The following VCAN variants were observed in gnomAD, a reference collection of about 807,000 sequenced individuals.
VCAN encodes the protein versican core protein.
In VCAN, 44 loss-of-function variants were observed where a neutral mutation model predicts 245.5. That is an observed-to-expected ratio of 0.18 (90% CI 0.14 to 0.23). The LOEUF is 0.23. VCAN is among the 10% of genes least tolerant of loss of function. The probability of loss-of-function intolerance (pLI) is 1.00; values close to 1 mark genes in which losing one functional copy is unlikely to be tolerated. For synonymous variants in VCAN, 1,413 were observed against 1,437.0 expected (o/e 0.98, Z 0.38); for missense variants, 3,793 against 4,057.9 (o/e 0.93, Z 1.77).
At chr5:83,563,670 C>T (rs991285025) in intron 12 of VCAN, among the ~76,000 whole-genome samples, 3 of 152,090 alleles carry the variant, frequency 2.0e-5, no homozygotes, top group Admixed American at 6.5e-5. Context: ...CCCTTGGTAT[C>T]CAGTGCGTTT....
chr5:83,537,396 G>A lies in VCAN; in HGVS notation c.4393G>A (p.Val1465Met), dbSNP rs766234120. ...AGCCAAAACGGAATTGTCTACTGCT[G>A]TGCAACCTAATGAATCTACAGAAAC... ...VIAKTELSTA[V>M]QPNESTETTE... The change falls in exon 8 of 15, where the codon GTG (valine) becomes ATG (methionine). Residue 1465 changes from valine (V) to methionine (M), a missense_variant. Val to Met is a conservative substitution (Grantham distance 21). This residue lies in a region of VCAN where 3,182 missense variants were observed against 3,250.3 expected (regional missense o/e 0.98). Coordinates refer to ENST00000265077, the MANE Select transcript of VCAN (RefSeq NM_004385.5). The A allele has an allele frequency of 1.2e-6, 2 of 1,613,962 alleles. No individual in the cohort carries two copies. Among genetic ancestry groups the A allele is most frequent in the Non-Finnish European group, 1.7e-6 (2 of 1,179,944 alleles).
At chr5:83,579,568 A>G (rs1237949868) in intron 13 of VCAN, among the ~76,000 whole-genome samples, 1 of 152,006 alleles carries the variant, frequency 6.6e-6, no homozygotes, top group Non-Finnish European at 1.5e-5. Flanking sequence ...TGGCCTGTAG[A>G]TTGTACGTTT....
rs1746005730 is a variant in VCAN at position 83,519,761 on chromosome 5, A to G, written c.1455A>G (p.Glu485=). Residue 485 remains glutamate (E), a synonymous_variant, in exon 7 of 15, where the codon GAA becomes GAG. Transcript: ENST00000265077. ...TCGTGGAAGATAAACAAACACAAGA[A>G]TCGGTTACACAGATTGAACAAATAG... The part of the protein sequence containing the change: ...DGVVEDKQTQ[E]SVTQIEQIEV... 2 of 1,614,020 alleles carry G rather than the reference A, an allele frequency of 1.2e-6. No individual in the cohort carries two copies. Among genetic ancestry groups the G allele is most frequent in the Non-Finnish European group, 1.7e-6 (2 of 1,179,986 alleles).
chr5:83,540,356 C>T lies in VCAN; in HGVS notation c.7353C>T (p.Thr2451=). 6.2e-7 allele frequency: 1 copy of T among 1,613,990 alleles called. No homozygotes were observed. Among genetic ancestry groups the T allele is most frequent in the Non-Finnish European group, 8.5e-7 (1 of 1,179,962 alleles). The part of the protein sequence containing the change: ...SFHTSATTQA[T]RQESSTTFVS... Reference sequence around the variant, plus strand: ...ACACTTCTGCAACTACTCAGGCAACCAGACAAGAAAGCAGCACCACATTTG... The same window carrying T: ...ACACTTCTGCAACTACTCAGGCAACTAGACAAGAAAGCAGCACCACATTTG... Residue 2451 remains threonine (T), a synonymous_variant, in exon 8 of 15, where the codon ACC becomes ACT. Coordinates refer to ENST00000265077, the MANE Select transcript of VCAN (RefSeq NM_004385.5).
intron 12 of VCAN, among the ~76,000 whole-genome samples, chr5:83,567,490 C>CG (rs35258789): frequency 0.82 from 123,878 of 151,398 alleles, 50,966 homozygotes; most frequent in African/African-American, 0.9. Flanking sequence ...TTAGTAGAGA[C>CG]GGGGTTTCAC....
chr5:83,496,264 CG>C (rs1662347209), intron 5 of VCAN, among the ~76,000 whole-genome samples: 2 of 152,186 alleles, frequency 1.3e-5, no homozygotes, highest in Admixed American at 1.3e-4. Flanking sequence ...GTCTTATAGA[CG>C]TCCTCTCCCA....
chr5:83,568,634 C>G (rs1033283677), intron 12 of VCAN, among the ~76,000 whole-genome samples: 7 of 151,952 alleles, frequency 4.6e-5, no homozygotes, highest in African/African-American at 1.7e-4. Context: ...AGTCAAGTGA[C>G]TTTAGTAACT....
chr5:83,536,111 T>C (rs938943002), intron 7 of VCAN: 4 of 152,122 alleles, frequency 2.6e-5, no homozygotes, highest in African/African-American at 9.7e-5. Context: ...CAATTTACAA[T>C]CTGGGAAATA....
chr5:83,513,105 C>T (rs955849337), intron 6 of VCAN, among the ~76,000 whole-genome samples: 1 of 151,886 alleles, frequency 6.6e-6, no homozygotes, highest in African/African-American at 2.4e-5. Context: ...TCCAGATGTC[C>T]TCAAGTAATT....
At chr5:83,474,790 G>A (rs1346386377) in intron 1 of VCAN, among the ~76,000 whole-genome samples, 1 of 152,230 alleles carries the variant, frequency 6.6e-6, no homozygotes, top group African/African-American at 2.4e-5. Flanking sequence ...GGCTGCTTCT[G>A]GAGCTGACCC....
At chr5:83,579,421 G>A (rs938863429) in intron 13 of VCAN, among the ~76,000 whole-genome samples, 1 of 151,980 alleles carries the variant, frequency 6.6e-6, no homozygotes, top group Non-Finnish European at 1.5e-5. Flanking sequence ...CCACCACCAT[G>A]CCTGGCTAAT....
intron 7 of VCAN, among the ~76,000 whole-genome samples, chr5:83,532,156 A>C (rs1024959122): frequency 6.6e-6 from 1 of 151,942 alleles, no homozygotes; most frequent in Non-Finnish European, 1.5e-5. Flanking sequence ...GCACAGGTGT[A>C]CCCCCCAACC....
chr5:83,578,643 A>T (rs1239168153), intron 13 of VCAN, among the ~76,000 whole-genome samples: 1 of 152,166 alleles, frequency 6.6e-6, no homozygotes, highest in East Asian at 1.9e-4. Context: ...AACTTTTAAT[A>T]TTAGGATGTT....
intron 5 of VCAN, among the ~76,000 whole-genome samples, chr5:83,507,402 C>G (rs568789122): frequency 6.6e-6 from 1 of 152,318 alleles, no homozygotes; most frequent in South Asian, 2.1e-4. Context: ...TGTGCATTCC[C>G]TGTCTAACTC....
In VCAN at chr5:83,490,100, A is replaced by C; in HGVS notation, c.73A>C (p.Lys25Gln). The change falls in exon 3 of 15, where the codon AAA (lysine) becomes CAA (glutamine). Residue 25 changes from lysine to glutamine, a missense_variant and splice_region_variant. By Grantham distance (53) the Lys-to-Gln change is moderately conservative. Transcript: ENST00000265077. The part of the protein sequence containing the change: ...LIVTHALHKV[K>Q]VGKSPPVRGS... ...TTGTTATTTTCTCTTTCCTCTAGTC[A>C]AAGTGGGAAAAAGCCCACCGGTGAG... 1.2e-6 allele frequency: 2 copies of C among 1,613,916 alleles called. No individual in the cohort carries two copies. The highest frequency in any genetic ancestry group is 1.7e-6 in the Non-Finnish European group (2 of 1,180,016).
chr5:83,480,239 A>G (rs1230423225), intron 1 of VCAN, among the ~76,000 whole-genome samples: 3 of 152,180 alleles, frequency 2.0e-5, no homozygotes, highest in Non-Finnish European at 4.4e-5. Flanking sequence ...TGATGCGTAT[A>G]CTTGTTGTAC....
At chr5:83,491,484 T>A (rs1357948067) in intron 3 of VCAN, among the ~76,000 whole-genome samples, 1 of 152,220 alleles carries the variant, frequency 6.6e-6, no homozygotes, top group Non-Finnish European at 1.5e-5. Flanking sequence ...AATCTATTTT[T>A]ATGTTGTCTA....
chr5:83,569,709 T>C (rs1748217683), intron 12 of VCAN, among the ~76,000 whole-genome samples: 1 of 152,190 alleles, frequency 6.6e-6, no homozygotes, highest in African/African-American at 2.4e-5. Flanking sequence ...AGGACATTAC[T>C]GGTTTCCTGT....
intron 12 of VCAN, among the ~76,000 whole-genome samples, chr5:83,566,567 C>G (rs897737704): frequency 2.6e-5 from 4 of 152,136 alleles, no homozygotes; most frequent in African/African-American, 4.8e-5. Flanking sequence ...AGAGACCTCT[C>G]CCCACCCACC....
Sources: allele counts gnomAD v4.1 joint callset (sites outside exome capture counted in the v4.1 genomes callset), GRCh38; gene constraint gnomAD v4.1.1; regional missense constraint gnomAD v4.1.1; transcripts MANE v1.5; gene names NCBI Gene and HGNC (gene_info 2026-07-23, HGNC 2026-07-21).